The following CBR4 variants were observed in gnomAD, a reference collection of about 807,000 sequenced individuals.
The protein encoded by CBR4 is carbonyl reductase 4, also known as 3-oxoacyl-[acyl-carrier-protein] reductase.
In CBR4, 22 loss-of-function variants were observed where a neutral mutation model predicts 21.0. That is an observed-to-expected ratio of 1.05 (90% CI 0.75 to 1.50). The LOEUF (loss-of-function observed/expected upper bound fraction) is 1.50. Among genes scored for constraint, CBR4 ranks in the 40% most tolerant of loss-of-function variants. The pLI, the probability that CBR4 is intolerant of heterozygous loss-of-function variation, is 0.00. For missense variants in CBR4, 302 were observed against 286.3 expected, an observed-to-expected ratio of 1.05 and a Z score of -0.40; for synonymous variants, 100 against 104.4, an observed-to-expected ratio of 0.96 and a Z score of 0.26.
chr4:168,968,515 T>C (rs1764109975), intron 2 of CBR4, among the ~76,000 whole-genome samples: 1 of 152,242 alleles, frequency 6.6e-6, no homozygotes, highest in Admixed American at 6.5e-5. Context: ...AGGCAGGAAC[T>C]GAAAGAATGC....
chr4:168,919,627 A>T (rs969591379), intron 2 of CBR4, among the ~76,000 whole-genome samples: 5 of 152,014 alleles, frequency 3.3e-5, no homozygotes, highest in Admixed American at 3.3e-4. Context: ...TCCTGACGAT[A>T]AGCCAAACAC....
chr4:168,956,809 C>T (rs952908626), intron 2 of CBR4, among the ~76,000 whole-genome samples: 2 of 152,172 alleles, frequency 1.3e-5, no homozygotes, highest in Admixed American at 1.3e-4. Context: ...AGAACTGGAA[C>T]TTGAAACCAG....
At position 168,954,451 on chromosome 4, in the gene CBR4, C is replaced by T. The variant is rs184934535; in HGVS notation, n.169+47620G>A. 3.9e-3 allele frequency among the ~76,000 whole-genome samples: 590 copies of T among 152,260 alleles called. 1 individual carries two copies. The highest frequency in any genetic ancestry group is 6.4e-3 in the Non-Finnish European group (436 of 68,024). Reference sequence around the variant, plus strand: ...GGTGAGGGCCTTCTTTTTGCATCATCCCATAGCAGAAAGCAGAAAGGCAAG... The same window carrying T: ...GGTGAGGGCCTTCTTTTTGCATCATTCCATAGCAGAAAGCAGAAAGGCAAG... On this transcript the variant is annotated intron_variant and non_coding_transcript_variant, in intron 2 of 3. Transcript: ENST00000509108.
At chr4:168,912,814 T>G (rs1383072910) in intron 2 of CBR4, among the ~76,000 whole-genome samples, 1 of 152,178 alleles carries the variant, frequency 6.6e-6, no homozygotes, top group East Asian at 1.9e-4. Context: ...TAAAACTTTT[T>G]CCTCCTATGT....
chr4:168,898,466 T>C, intron 2 of CBR4: 1 of 1,460,804 alleles, frequency 6.8e-7, no homozygotes, highest in Non-Finnish European at 9.6e-7. Context: ...GGATTGAGTC[T>C]GCTAACTTAA....
chr4:168,919,245 C>A (rs566681944), intron 2 of CBR4, among the ~76,000 whole-genome samples: 1 of 152,230 alleles, frequency 6.6e-6, no homozygotes, highest in South Asian at 2.1e-4. Flanking sequence ...GAAAAATCGG[C>A]CAGGCACGTG....
At chr4:168,903,606 A>G in intron 2 of CBR4, 1 of 648,162 alleles carries the variant, frequency 1.5e-6, no homozygotes, top group Non-Finnish European at 2.7e-6. Flanking sequence ...TTTTTCAGTG[A>G]AAAATCAATT....
intron 2 of CBR4, among the ~76,000 whole-genome samples, chr4:168,962,635 G>A (rs1333819390): frequency 2.6e-5 from 4 of 152,218 alleles, no homozygotes; most frequent in African/African-American, 9.6e-5. Context: ...GGATATTCAA[G>A]AAAAATACAG....
At chr4:168,968,863 T>C (rs1764121661) in intron 2 of CBR4, among the ~76,000 whole-genome samples, 1 of 152,240 alleles carries the variant, frequency 6.6e-6, no homozygotes, top group Non-Finnish European at 1.5e-5. Flanking sequence ...CCTACCATGA[T>C]AATTCTCTCT....
At chr4:169,006,649 T>C (rs1730932676) in intron 3 of CBR4, 106 bp downstream of exon 3, 1 of 1,048,936 alleles carries the variant, frequency 9.5e-7, no homozygotes, top group Non-Finnish European at 1.4e-6. Flanking sequence ...CCACAGATAA[T>C]ATAAATTTCA....
In CBR4 at chr4:168,989,769, C is replaced by G. The variant is rs1393586744; in HGVS notation, c.*381G>C. 9.1e-6 allele frequency: 9 copies of G among 990,112 alleles called. No individual in the cohort carries two copies. The highest frequency in any genetic ancestry group is 1.1e-5 in the Non-Finnish European group (9 of 833,286). The allele number at this position is 990,112 out of a possible 1,614,324, so 61.3% of individuals were successfully genotyped here. On this transcript the variant is annotated 3_prime_UTR_variant, in exon 5 of 5. Transcript: ENST00000306193. Reference sequence around the variant, plus strand: ...AAATGTCTATACACTAAGATTGCTACAGTCTATGAGGTAACCAAAGGTAAG... The same window carrying G: ...AAATGTCTATACACTAAGATTGCTAGAGTCTATGAGGTAACCAAAGGTAAG...
chr4:168,919,821 A>G (rs569132801), intron 2 of CBR4, among the ~76,000 whole-genome samples: 179 of 152,308 alleles, frequency 1.2e-3, no homozygotes, highest in South Asian at 2.1e-3. Context: ...TTACATTGTG[A>G]CCTGCTGGTG....
rs549284340 is a variant in CBR4, at chr4:168,912,519, A to G, written n.170-17754T>C. Among the ~76,000 whole-genome samples the G allele has an allele frequency of 2.9e-4, 44 of 152,348 alleles. 1 individual carries two copies. In the South Asian group the frequency reaches 8.5e-3, roughly 29 times the overall value. On this transcript the variant is annotated intron_variant and non_coding_transcript_variant, in intron 2 of 3. Transcript: ENST00000509108. ...CAAAGTAACAATGTGTGGCTTATCC[A>G]TGTCATCTGGGTGCCCTGAGTATTA...
At position 168,990,013 on chromosome 4, in the gene CBR4, T is replaced by C; in HGVS notation, c.*137A>G. The C allele has an allele frequency of 7.8e-7, 1 of 1,288,694 alleles. No individual in the cohort carries two copies. The highest frequency in any genetic ancestry group is 3.0e-5 in the South Asian group (1 of 33,116). The allele number at this position is 1,288,694 out of a possible 1,614,324, so 79.8% of individuals were successfully genotyped here. ...CACATTGTTCTTTTGAGACATATTTTTATAAAGACAGAAATTAACATTTGT... is the reference window on the plus strand; with the variant it reads ...CACATTGTTCTTTTGAGACATATTTCTATAAAGACAGAAATTAACATTTGT... On this transcript the variant is annotated 3_prime_UTR_variant, in exon 5 of 5. Transcript: ENST00000306193.
chr4:168,934,289 A>AAAAAAAAAAAC (rs1763048598), intron 2 of CBR4, among the ~76,000 whole-genome samples: 1 of 147,968 alleles, frequency 6.8e-6, no homozygotes, highest in African/African-American at 2.5e-5. Context: ...AAACAAAAAA[A>AAAAAAAAAAAC]AAAAAAAAAA....
At chr4:168,924,124 C>T (rs1762121454) in intron 2 of CBR4, 1 of 748,276 alleles carries the variant, frequency 1.3e-6, no homozygotes, top group Non-Finnish European at 2.3e-6. Flanking sequence ...AGGGGACTAG[C>T]ATCTTACCAC....
At chr4:168,981,164 C>T (rs939110321) in intron 2 of CBR4, among the ~76,000 whole-genome samples, 15 of 152,162 alleles carry the variant, frequency 9.9e-5, no homozygotes, top group African/African-American at 2.6e-4. Flanking sequence ...CTTTGGGAGG[C>T]CGAGGTGGAT....
intron 2 of CBR4, among the ~76,000 whole-genome samples, chr4:168,974,365 A>T (rs1764306021): frequency 6.6e-6 from 1 of 152,180 alleles, no homozygotes; most frequent in Non-Finnish European, 1.5e-5. Context: ...TTGACTTTTG[A>T]TAACCTGATG....
intron 2 of CBR4, chr4:168,921,824 A>C: frequency 9.0e-7 from 1 of 1,107,006 alleles, no homozygotes; most frequent in Non-Finnish European, 1.4e-6. Flanking sequence ...TTACTAACCA[A>C]TACGGAAAAT....
Sources: gnomAD v4.1 joint callset for allele counts (sites outside exome capture counted in the v4.1 genomes callset) on GRCh38, gnomAD v4.1.1 for gene constraint, MANE v1.5 for transcripts, NCBI Gene and HGNC (gene_info 2026-07-23, HGNC 2026-07-21) for gene names.